The following GPC5 variants were observed in gnomAD, a reference collection of about 807,000 sequenced individuals.
GPC5 encodes the protein glypican-5.
A neutral mutation model predicts 53.9 loss-of-function variants in GPC5; 47 were observed. The ratio of observed to expected loss-of-function variants is 0.87; its 90% confidence interval spans 0.69 to 1.11. The LOEUF (loss-of-function observed/expected upper bound fraction) is 1.11, where lower values mean the gene tolerates loss of function less well. Among genes scored for constraint, GPC5 ranks in the 50% most tolerant of loss-of-function variants. The pLI is 0.00. For synonymous variants in GPC5, 286 were observed against 263.3 expected (o/e 1.09, Z -0.84); for missense variants, 748 against 713.1 (o/e 1.05, Z -0.56).
intron 7 of GPC5, among the ~76,000 whole-genome samples, chr13:92,294,644 A>G (rs187476402): frequency 1.1e-4 from 17 of 151,892 alleles, no homozygotes; most frequent in East Asian, 1.9e-4. Flanking sequence ...TACCTGTTCA[A>G]AGAACCAGCT....
chr13:92,220,893 A>G (rs1213853026), intron 7 of GPC5, among the ~76,000 whole-genome samples: 2 of 152,126 alleles, frequency 1.3e-5, no homozygotes, highest in Non-Finnish European at 2.9e-5. Context: ...TCATATGTTG[A>G]TATTTCTGTT....
At position 91,399,061 on chromosome 13, in the gene GPC5, C is replaced by T. The variant is rs1240529548; in HGVS notation, c.15C>T (p.Thr5=). The change falls in exon 1 of 8, where the codon ACC becomes ACT. Residue 5 remains threonine (T), a synonymous_variant. Coordinates refer to ENST00000377067, the MANE Select transcript of GPC5 (RefSeq NM_004466.6). The part of the protein sequence containing the change: MDAQ[T]WPVGFRCLLL... ...GGACGGCGAGGATGGACGCACAGACCTGGCCCGTGGGCTTTCGCTGCCTCC... is the reference window on the plus strand; with the variant it reads ...GGACGGCGAGGATGGACGCACAGACTTGGCCCGTGGGCTTTCGCTGCCTCC... 6.4e-6 allele frequency: 10 copies of T among 1,561,554 alleles called. No individual in the cohort carries two copies. The highest frequency in any genetic ancestry group is 1.7e-4 in the Middle Eastern group (1 of 6,026).
At chr13:92,615,789 T>G (rs184337761) in intron 7 of GPC5, among the ~76,000 whole-genome samples, 3 of 152,172 alleles carry the variant, frequency 2.0e-5, no homozygotes, top group African/African-American at 7.2e-5. Flanking sequence ...GCGCGGTGGC[T>G]CAAGTCTGTA....
At chr13:91,633,153 G>C (rs1206716311) in intron 2 of GPC5, among the ~76,000 whole-genome samples, 2 of 152,164 alleles carry the variant, frequency 1.3e-5, no homozygotes, top group Non-Finnish European at 2.9e-5. Context: ...ACCATTCTGG[G>C]AGAAGACAGT....
At chr13:92,553,705 G>C (rs1210450022) in intron 7 of GPC5, among the ~76,000 whole-genome samples, 4 of 151,884 alleles carry the variant, frequency 2.6e-5, no homozygotes, top group Admixed American at 6.6e-5. Context: ...CTCTTTATCA[G>C]TTGACAACTT....
Position 92,031,126 on chromosome 13 carries a change from C to T in GPC5, c.1402-113704C>T, listed in dbSNP as rs576001105. 3.3e-5 allele frequency among the ~76,000 whole-genome samples: 5 copies of T among 152,252 alleles called. No homozygotes were observed. The South Asian group carries it at 1.0e-3, about 32-fold the overall frequency. On this transcript the variant is annotated intron_variant, in intron 6 of 7. Transcript: ENST00000377067. ...TACTGGTTTCTGTCTTATTTCCCTA[C>T]CCGCTTCTTACCCATCCCCATTCAG...
At chr13:92,777,335 CAAAA>C (rs71202561) in intron 7 of GPC5, among the ~76,000 whole-genome samples, 2 of 63,460 alleles carry the variant, frequency 3.2e-5, no homozygotes, top group Non-Finnish European at 6.2e-5. Flanking sequence ...GACTCCATCT[CAAAA>C]AAAAAAAAAA....
chr13:92,257,545 G>GTTTTTTTTTTTTTT (rs1566507028), intron 7 of GPC5, among the ~76,000 whole-genome samples: 1 of 50,054 alleles, frequency 2.0e-5, no homozygotes, highest in Non-Finnish European at 3.8e-5. Flanking sequence ...CTAATACAGG[G>GTTTTTTTTTTTTTT]ATTTTTTTTT....
chr13:92,472,402 A>G (rs1878948182), intron 7 of GPC5, among the ~76,000 whole-genome samples: 1 of 152,094 alleles, frequency 6.6e-6, no homozygotes, highest in South Asian at 2.1e-4. Flanking sequence ...TGAAGATTAA[A>G]TAAGATAACA....
intron 6 of GPC5, among the ~76,000 whole-genome samples, chr13:92,049,428 G>A (rs942264023): frequency 6.6e-6 from 1 of 152,018 alleles, no homozygotes; most frequent in South Asian, 2.1e-4. Flanking sequence ...AATAAATACA[G>A]GGAGACAGTA....
At chr13:91,989,942 AC>A (rs2040442079) in intron 6 of GPC5, among the ~76,000 whole-genome samples, 1 of 152,162 alleles carries the variant, frequency 6.6e-6, no homozygotes, top group Non-Finnish European at 1.5e-5. Context: ...ATTAAAAAAA[AC>A]TTCACCCTTT....
chr13:92,278,790 C>T (rs1327196058), intron 7 of GPC5, among the ~76,000 whole-genome samples: 3 of 151,916 alleles, frequency 2.0e-5, no homozygotes, highest in Non-Finnish European at 2.9e-5. Context: ...GATCACTCCT[C>T]CCCCCGTTGA....
At chr13:92,053,257 G>A (rs1958441268) in intron 6 of GPC5, among the ~76,000 whole-genome samples, 1 of 152,166 alleles carries the variant, frequency 6.6e-6, no homozygotes. Flanking sequence ...TTAGGCGTCA[G>A]GCATGTTCAG....
intron 7 of GPC5, among the ~76,000 whole-genome samples, chr13:92,444,839 C>T (rs2139390704): frequency 6.6e-6 from 1 of 151,300 alleles, no homozygotes; most frequent in East Asian, 2.0e-4. Flanking sequence ...AAGAGGGTTC[C>T]AGAATAATAA....
At chr13:92,649,932 T>C (rs1194318515) in intron 7 of GPC5, among the ~76,000 whole-genome samples, 2 of 152,158 alleles carry the variant, frequency 1.3e-5, no homozygotes, top group East Asian at 3.9e-4. Context: ...TCCATTGTAC[T>C]CATTTTATGC....
chr13:91,615,482 T>G (rs1225944207), intron 2 of GPC5, among the ~76,000 whole-genome samples: 1 of 152,198 alleles, frequency 6.6e-6, no homozygotes, highest in Non-Finnish European at 1.5e-5. Flanking sequence ...AGGCTTTATT[T>G]TGCATGACCA....
intron 6 of GPC5, among the ~76,000 whole-genome samples, chr13:91,939,578 C>A (rs1244839092): frequency 6.6e-6 from 1 of 152,126 alleles, no homozygotes; most frequent in Non-Finnish European, 1.5e-5. Flanking sequence ...GCATAGAGTT[C>A]ATGTAAATTA....
At chr13:91,926,070 C>G (rs911093955) in intron 6 of GPC5, among the ~76,000 whole-genome samples, 2 of 151,978 alleles carry the variant, frequency 1.3e-5, no homozygotes, top group Non-Finnish European at 2.9e-5. Flanking sequence ...ATTAAAAAAT[C>G]TATGCAAAAT....
At chr13:92,415,196 A>C (rs186969345) in intron 7 of GPC5, among the ~76,000 whole-genome samples, 1 of 152,176 alleles carries the variant, frequency 6.6e-6, no homozygotes, top group South Asian at 2.1e-4. Flanking sequence ...TTAATGTTTC[A>C]TCTTTCTGGC....
Sources: allele counts gnomAD v4.1 joint callset (sites outside exome capture counted in the v4.1 genomes callset), GRCh38; gene constraint gnomAD v4.1.1; transcripts MANE v1.5; gene names NCBI Gene and HGNC (gene_info 2026-07-23, HGNC 2026-07-21).